The following PHACTR2 variants were observed in gnomAD, a reference collection of about 807,000 sequenced individuals.
PHACTR2 encodes phosphatase and actin regulator 2, also known as chromosome 6 open reading frame 56.
In PHACTR2, 30 loss-of-function variants were observed where a neutral mutation model predicts 76.0. The observed-to-expected ratio is 0.39, with a 90% CI of 0.30 to 0.54. The LOEUF (loss-of-function observed/expected upper bound fraction) is 0.54, where lower values mean the gene tolerates loss of function less well. PHACTR2 is among the 20% of genes least tolerant of loss of function. PHACTR2 has a pLI of 0.61. For missense variants in PHACTR2, 696 were observed against 781.1 expected, an observed-to-expected ratio of 0.89 and a Z score of 1.30; for synonymous variants, 292 against 292.5, an observed-to-expected ratio of 1.00 and a Z score of 0.02.
chr6:143,538,725 G>A (rs1781142552), intron 1 of PHACTR2, among the ~76,000 whole-genome samples: 1 of 152,218 alleles, frequency 6.6e-6, no homozygotes, highest in South Asian at 2.1e-4. Flanking sequence ...ATAGCCTTCT[G>A]TCTTCTTATT....
At position 143,547,223 on chromosome 6, in the gene PHACTR2, T is replaced by G. The variant is rs943559744; in HGVS notation, c.217+10016T>G. Among the ~76,000 whole-genome samples, 1 of 152,200 alleles carries G rather than the reference T, an allele frequency of 6.6e-6. No homozygotes were observed. The highest frequency in any genetic ancestry group is 2.1e-4 in the South Asian group (1 of 4,832). ...TATGTGACCCATATTTTTATCCTCTTGCCCTAACTATACCTCAATTGTAGC... is the reference window on the plus strand; with the variant it reads ...TATGTGACCCATATTTTTATCCTCTGGCCCTAACTATACCTCAATTGTAGC... On this transcript the variant is annotated intron_variant, in intron 1 of 11. Transcript: ENST00000367584. This position sits in a 1 kb window ranked among gnomAD's most constrained non-coding sequence, Gnocchi z 4.2.
rs146655537 is a variant in PHACTR2, at chr6:143,725,912, G to A, written c.214+13729G>A. 6.2e-4 allele frequency among the ~76,000 whole-genome samples: 94 copies of A among 152,156 alleles called. No homozygotes were observed. In the Middle Eastern group the frequency reaches 0.017, roughly 28 times the overall value. On this transcript the variant is annotated intron_variant, in intron 2 of 12. Transcript: ENST00000440869. Reference sequence around the variant, plus strand: ...TCTTCCACTTTGCAGAGTGACTCACGAGAGCTTCCTCCAGGTTGTTGCATG... The same window carrying A: ...TCTTCCACTTTGCAGAGTGACTCACAAGAGCTTCCTCCAGGTTGTTGCATG...
In PHACTR2 at chr6:143,617,217, C is replaced by T. The variant is rs112343011; in HGVS notation, c.13+8895C>T. Among the ~76,000 whole-genome samples the T allele has an allele frequency of 1.8e-4, 27 of 152,320 alleles. No homozygotes were observed. Among genetic ancestry groups the T allele is most frequent in the African/African-American group, 5.8e-4 (24 of 41,578 alleles). On this transcript the variant is annotated intron_variant, in intron 1 of 11. Transcript: ENST00000305766. The surrounding 1 kb of genome is among the most constrained non-coding windows in gnomAD (Gnocchi z 4.8). ...GCCCAGCACATATCCCATCTTACAA[C>T]GTCTTCCCAACTGGTCTCCAAGCCC...
chr6:143,629,596 C>A (rs548031558), intron 1 of PHACTR2, among the ~76,000 whole-genome samples: 14 of 152,148 alleles, frequency 9.2e-5, no homozygotes, highest in African/African-American at 3.4e-4. Context: ...TTTTACTAGC[C>A]ACTTTATGGA....
chr6:143,686,629 A>G (rs1196790589), intron 1 of PHACTR2, among the ~76,000 whole-genome samples: 1 of 152,004 alleles, frequency 6.6e-6, no homozygotes, highest in Non-Finnish European at 1.5e-5. Flanking sequence ...CTGGAATTAC[A>G]GGCGTGAGCC....
intron 1 of PHACTR2, among the ~76,000 whole-genome samples, chr6:143,564,233 ATATG>A (rs754913102): frequency 0.022 from 2,169 of 96,940 alleles, 122 homozygotes; most frequent in South Asian, 0.041. Context: ...ATATATATAT[ATATG>A]TATGCCACTG....
intron 9 of PHACTR2, among the ~76,000 whole-genome samples, chr6:143,779,790 C>A (rs1437310451): frequency 6.6e-6 from 1 of 151,816 alleles, no homozygotes; most frequent in Non-Finnish European, 1.5e-5. Context: ...GACCACAGGA[C>A]AAATTATATT....
rs886087891 is a variant in PHACTR2, at chr6:143,750,644, A to G, written c.295+1579A>G. Among the ~76,000 whole-genome samples, 1 of 152,232 alleles carries G rather than the reference A, an allele frequency of 6.6e-6. No homozygotes were observed. The highest frequency in any genetic ancestry group is 2.4e-5 in the African/African-American group (1 of 41,470). On this transcript the variant is annotated intron_variant, in intron 3 of 12. Transcript: ENST00000440869. The surrounding 1 kb of genome is among the most constrained non-coding windows in gnomAD (Gnocchi z 4.6). ...AAGAATTTGCTCTGTCTGAAAACCA[A>G]GTAGCAATAGTCAATTTAAAGAAAT...
rs920168273 is a variant in PHACTR2 at position 143,591,869 on chromosome 6, A to G, written c.217+54662A>G. On this transcript the variant is annotated intron_variant, in intron 1 of 11. Transcript: ENST00000367584. The surrounding 1 kb of genome is among the most constrained non-coding windows in gnomAD (Gnocchi z 6.4). ...GGGCCCTAGAATTCCTGGCTCAAAC[A>G]GGGAATTTGTCCACTTCCAGGTTTT... 3.3e-5 allele frequency among the ~76,000 whole-genome samples: 5 copies of G among 152,214 alleles called. No individual in the cohort carries two copies. The highest frequency in any genetic ancestry group is 1.3e-4 in the Admixed American group (2 of 15,288).
chr6:143,827,177 TATATATA>T lies in PHACTR2; in HGVS notation c.*3489_*3495del. ...GAAAATATATATATATATATATATATATATATATATATATATATATATGTATATTATA... is the reference window on the plus strand; with the variant it reads ...GAAAATATATATATATATATATATATTATATATATATATATGTATATTATA... On this transcript the variant is annotated 3_prime_UTR_variant, in exon 13 of 13. Coordinates refer to ENST00000440869, the MANE Select transcript of PHACTR2 (RefSeq NM_001100164.2). 1 of 126,906 alleles carries T rather than the reference TATATATA, an allele frequency of 7.9e-6. No homozygotes were observed. The highest frequency in any genetic ancestry group is 2.4e-4 in the East Asian group (1 of 4,102). 7.9% of individuals were successfully genotyped at this position (126,906 alleles called of 1,614,324 possible).
chr6:143,704,012 T>A (rs557795694), intron 1 of PHACTR2, among the ~76,000 whole-genome samples: 95 of 152,218 alleles, frequency 6.2e-4, no homozygotes, highest in Non-Finnish European at 1.2e-3. Flanking sequence ...AGAAAATTTT[T>A]CTTGGCATTA....
rs1562683326 is a variant in PHACTR2 at position 143,558,354 on chromosome 6, T to C, written c.217+21147T>C. ...AAAATATGATAGGAGAAAAAAGATGTCTACTTTTTTGCTTCAAAATCTTCA... is the reference window on the plus strand; with the variant it reads ...AAAATATGATAGGAGAAAAAAGATGCCTACTTTTTTGCTTCAAAATCTTCA... On this transcript the variant is annotated intron_variant, in intron 1 of 11. Coordinates refer to the PHACTR2 transcript ENST00000367584. The surrounding 1 kb of genome is among the most constrained non-coding windows in gnomAD (Gnocchi z 4.7). 2.0e-5 allele frequency among the ~76,000 whole-genome samples: 3 copies of C among 152,302 alleles called. No individual in the cohort carries two copies. The South Asian group carries it at 6.2e-4, about 32-fold the overall frequency.
At chr6:143,711,979 T>G in intron 1 of PHACTR2, 37 bp from the exon 2 acceptor site, 1 of 1,598,450 alleles carries the variant, frequency 6.3e-7, no homozygotes, top group East Asian at 2.2e-5. Context: ...ACAACCTTTT[T>G]TACAACCTTT....
At chr6:143,551,265 A>AT (rs34539684) in intron 1 of PHACTR2, among the ~76,000 whole-genome samples, 40,787 of 150,168 alleles carry the variant, frequency 0.27, 5,719 homozygotes, top group Middle Eastern at 0.36. Flanking sequence ...TATACACTGT[A>AT]TTTTTTTCCA....
intron 1 of PHACTR2, among the ~76,000 whole-genome samples, chr6:143,644,814 G>T (rs1776630129): frequency 6.8e-6 from 1 of 146,828 alleles, no homozygotes. Flanking sequence ...TGTTTTTTCT[G>T]TTTTTTGATA....
chr6:143,654,602 CAAGACCAGCCTG>C lies in PHACTR2; in HGVS notation c.13+46282_13+46293del, dbSNP rs1190101357. On this transcript the variant is annotated intron_variant, in intron 1 of 11. Transcript: ENST00000305766. The surrounding 1 kb of genome is among the most constrained non-coding windows in gnomAD (Gnocchi z 4.6). ...GGAGGATCACTCGAGGCCTGGAGTT[CAAGACCAGCCTG>C]AGCAACATAGCAAGACTCCATCTCT... 6.6e-6 allele frequency among the ~76,000 whole-genome samples: 1 copy of C among 152,028 alleles called. No homozygotes were observed. The highest frequency in any genetic ancestry group is 1.5e-5 in the Non-Finnish European group (1 of 68,008).
At position 143,811,382 on chromosome 6, in the gene PHACTR2, G is replaced by T. The variant is rs912160924; in HGVS notation, c.1922+4249G>T. On this transcript the variant is annotated intron_variant, in intron 12 of 12. Transcript: ENST00000440869. The surrounding 1 kb of genome is among the most constrained non-coding windows in gnomAD (Gnocchi z 4.1). ...TTTTTTCACCCTCAAAATTCTATTG[G>T]CTATTTTTTTTATTTACTCATCTAG... Among the ~76,000 whole-genome samples the T allele has an allele frequency of 6.6e-6, 1 of 151,878 alleles. No homozygotes were observed. The highest frequency in any genetic ancestry group is 1.9e-4 in the East Asian group (1 of 5,186).
At position 143,753,332 on chromosome 6, in the gene PHACTR2, C is replaced by T. The variant is rs1779227296; in HGVS notation, c.296-422C>T. Among the ~76,000 whole-genome samples the T allele has an allele frequency of 6.6e-6, 1 of 152,118 alleles. No individual in the cohort carries two copies. Among genetic ancestry groups the T allele is most frequent in the African/African-American group, 2.4e-5 (1 of 41,434 alleles). ...ATTGTTTGTATGTGTAATTACATTT[C>T]ATGTTATTTGTGTATTTGCATTCAC... On this transcript the variant is annotated intron_variant, in intron 3 of 12. Coordinates refer to ENST00000440869, the MANE Select transcript of PHACTR2 (RefSeq NM_001100164.2). This position sits in a 1 kb window ranked among gnomAD's most constrained non-coding sequence, Gnocchi z 4.6.
rs1777469235 is a variant in PHACTR2 at position 143,684,495 on chromosome 6, A to G, written c.46+6286A>G. On this transcript the variant is annotated intron_variant, in intron 1 of 12. Coordinates refer to ENST00000440869, the MANE Select transcript of PHACTR2 (RefSeq NM_001100164.2). This position sits in a 1 kb window ranked among gnomAD's most constrained non-coding sequence, Gnocchi z 4.3. ...GGCCATCCATTACATGGACAACTAT[A>G]AACTACATGTCCTAATGACATATTA... 6.6e-6 allele frequency among the ~76,000 whole-genome samples: 1 copy of G among 152,226 alleles called. No homozygotes were observed. Among genetic ancestry groups the G allele is most frequent in the African/African-American group, 2.4e-5 (1 of 41,464 alleles).
Sources: gnomAD v4.1 joint callset for allele counts (sites outside exome capture counted in the v4.1 genomes callset) on GRCh38, gnomAD v4.1.1 for gene constraint, Gnocchi (gnomAD v3.1) non-coding constraint, MANE v1.5 for transcripts, NCBI Gene and HGNC (gene_info 2026-07-23, HGNC 2026-07-21) for gene names.